Variants in DTD1 observed in about 807,000 individuals in gnomAD.
The protein encoded by DTD1 is D-aminoacyl-tRNA deacylase 1, also known as D-tyrosyl-tRNA deacylase 1 homolog.
In DTD1, 13 loss-of-function variants were observed where a neutral mutation model predicts 25.6. The observed-to-expected ratio is 0.51, with a 90% CI of 0.33 to 0.81. The LOEUF (loss-of-function observed/expected upper bound fraction) is 0.81, where lower values mean the gene tolerates loss of function less well. DTD1 is among the 30% of genes least tolerant of loss of function. The probability of loss-of-function intolerance (pLI) is 0.02; values close to 1 mark genes in which losing one functional copy is unlikely to be tolerated. For synonymous variants in DTD1, 110 were observed against 103.6 expected (o/e 1.06, Z -0.37); for missense variants, 193 against 266.4 (o/e 0.72, Z 1.92).
At chr20:18,662,514 C>G (rs1248736023) in intron 4 of DTD1, among the ~76,000 whole-genome samples, 1 of 152,202 alleles carries the variant, frequency 6.6e-6, no homozygotes, top group Non-Finnish European at 1.5e-5. Flanking sequence ...TCCACTTCTG[C>G]AAGCTGCTCC....
chr20:18,760,617 C>T (rs6112093), intron 5 of DTD1, among the ~76,000 whole-genome samples: 531 of 152,228 alleles, frequency 3.5e-3, no homozygotes, highest in African/African-American at 0.011. Context: ...GAGGAGTACC[C>T]GGCCGTGTGA....
chr20:18,664,590 G>A (rs2060924431), intron 4 of DTD1, among the ~76,000 whole-genome samples: 1 of 152,172 alleles, frequency 6.6e-6, no homozygotes, highest in Admixed American at 6.5e-5. Flanking sequence ...CAGGGGTGAT[G>A]GGGGCTGATT....
intron 4 of DTD1, among the ~76,000 whole-genome samples, chr20:18,677,598 A>G (rs547051430): frequency 4.6e-5 from 7 of 152,306 alleles, no homozygotes; most frequent in South Asian, 2.1e-4. Flanking sequence ...TGGGTGTTCA[A>G]CAAACACTGA....
At chr20:18,685,589 GTCTC>G (rs1374683854) in intron 4 of DTD1, among the ~76,000 whole-genome samples, 1 of 152,160 alleles carries the variant, frequency 6.6e-6, no homozygotes, top group African/African-American at 2.4e-5. Context: ...GGGTGACCGA[GTCTC>G]TCTCTCATAT....
intron 4 of DTD1, among the ~76,000 whole-genome samples, chr20:18,686,180 C>T (rs950701805): frequency 1.3e-5 from 2 of 152,234 alleles, no homozygotes; most frequent in Non-Finnish European, 2.9e-5. Context: ...GAATATCCAC[C>T]ATAGTTTGTG....
chr20:18,759,536 T>G (rs1213330424), intron 5 of DTD1, among the ~76,000 whole-genome samples: 3 of 152,244 alleles, frequency 2.0e-5, no homozygotes, highest in East Asian at 3.8e-4. Context: ...TGAAAATTCT[T>G]TTCTTTAAGA....
intron 4 of DTD1, among the ~76,000 whole-genome samples, chr20:18,710,150 A>T (rs1246727522): frequency 6.6e-6 from 1 of 152,228 alleles, no homozygotes; most frequent in Non-Finnish European, 1.5e-5. Context: ...ACATGTGGTC[A>T]ACCCTAGTTA....
chr20:18,735,255 GATA>G (rs2122509870), intron 4 of DTD1, among the ~76,000 whole-genome samples: 1 of 152,362 alleles, frequency 6.6e-6, no homozygotes, highest in East Asian at 1.9e-4. Context: ...TAGTCTGGCA[GATA>G]ATAACTAGCA....
chr20:18,623,344 G>T (rs115093734), intron 3 of DTD1, among the ~76,000 whole-genome samples: 2,145 of 151,588 alleles, frequency 0.014, 39 homozygotes, highest in African/African-American at 0.039. Flanking sequence ...CTTAATCAGC[G>T]TTTTTAGTTT....
At chr20:18,684,546 C>T (rs1204051381) in intron 4 of DTD1, among the ~76,000 whole-genome samples, 1 of 152,146 alleles carries the variant, frequency 6.6e-6, no homozygotes, top group African/African-American at 2.4e-5. Flanking sequence ...GTAGGCCTCC[C>T]AAAGTGCTGG....
chr20:18,588,773 T>G (rs535912118), intron 1 of DTD1: 37 of 985,126 alleles, frequency 3.8e-5, no homozygotes, highest in Non-Finnish European at 4.3e-5. Flanking sequence ...CTCTTTTTCT[T>G]GTGGACCAAG....
At chr20:18,756,893 T>C (rs891719295) in intron 5 of DTD1, among the ~76,000 whole-genome samples, 3 of 151,258 alleles carry the variant, frequency 2.0e-5, no homozygotes, top group African/African-American at 7.3e-5. Flanking sequence ...TGATTCTTCC[T>C]ACCCATGAGC....
chr20:18,687,632 G>A (rs921590861), intron 4 of DTD1, among the ~76,000 whole-genome samples: 3 of 151,998 alleles, frequency 2.0e-5, no homozygotes, highest in South Asian at 2.1e-4. Context: ...ATGGCTCACT[G>A]CAGCCTTAAT....
intron 4 of DTD1, among the ~76,000 whole-genome samples, chr20:18,719,339 A>G (rs2061194027): frequency 6.6e-6 from 1 of 152,136 alleles, no homozygotes; most frequent in Admixed American, 6.5e-5. Flanking sequence ...CTAAAAGTAT[A>G]TTAGGCAGAG....
chr20:18,624,734 C>T (rs796954556), intron 3 of DTD1, among the ~76,000 whole-genome samples: 42 of 152,244 alleles, frequency 2.8e-4, no homozygotes, highest in African/African-American at 9.4e-4. Context: ...CCAGCAGGGC[C>T]CAGAGATGTC....
chr20:18,650,460 C>A (rs6132095), intron 4 of DTD1, among the ~76,000 whole-genome samples: 1 of 152,062 alleles, frequency 6.6e-6, no homozygotes, highest in African/African-American at 2.4e-5. Context: ...AATCTGCCCT[C>A]CTGCTCTGTA....
At chr20:18,642,802 G>C (rs1269890936) in intron 4 of DTD1, 1 of 161,396 alleles carries the variant, frequency 6.2e-6, no homozygotes. Flanking sequence ...TGGTCTTCTT[G>C]TTCTAAGGAC....
At chr20:18,613,681 C>T (rs2060697352) in intron 3 of DTD1, among the ~76,000 whole-genome samples, 1 of 152,136 alleles carries the variant, frequency 6.6e-6, no homozygotes, top group Non-Finnish European at 1.5e-5. Flanking sequence ...TCATCAGAAC[C>T]TTCTGAGGTG....
intron 4 of DTD1, among the ~76,000 whole-genome samples, chr20:18,633,146 A>C (rs1357083006): frequency 6.6e-6 from 1 of 152,142 alleles, no homozygotes; most frequent in Non-Finnish European, 1.5e-5. Flanking sequence ...ATTTTGCTGA[A>C]GCCTTGCATT....
Sources: gnomAD v4.1 joint callset for allele counts (sites outside exome capture counted in the v4.1 genomes callset) on GRCh38, gnomAD v4.1.1 for gene constraint, MANE v1.5 for transcripts, NCBI Gene and HGNC (gene_info 2026-07-23, HGNC 2026-07-21) for gene names.